Variants in LYRM4 observed in about 807,000 individuals in gnomAD.
LYRM4 encodes LYR motif containing 4.
A neutral mutation model predicts 11.7 loss-of-function variants in LYRM4; 9 were observed. The observed-to-expected ratio is 0.77, with a 90% CI of 0.46 to 1.34. The LOEUF is 1.34. LYRM4 is among the 40% of genes most tolerant of loss of function. The probability of loss-of-function intolerance (pLI) is 0.00; values close to 1 mark genes in which losing one functional copy is unlikely to be tolerated. For synonymous variants in LYRM4, 42 were observed against 40.4 expected (o/e 1.04, Z -0.15); for missense variants, 133 against 112.5 (o/e 1.18, Z -0.82).
chr6:5,148,684 T>C (rs6922265), intron 2 of LYRM4, among the ~76,000 whole-genome samples: 12,516 of 151,712 alleles, frequency 0.082, 609 homozygotes, highest in South Asian at 0.23. Context: ...TCTCTCTCTC[T>C]GCTTATAGTG....
chr6:5,211,152 T>C (rs142470621), intron 2 of LYRM4, among the ~76,000 whole-genome samples: 116 of 152,288 alleles, frequency 7.6e-4, no homozygotes, highest in African/African-American at 2.4e-3. Context: ...ACCTCAAACA[T>C]ACCTACTTTT....
At chr6:5,260,601 C>CCGGCCCCGGGG in intron 1 of LYRM4, 47 bp downstream of exon 1, 4 of 1,202,674 alleles carry the variant, frequency 3.3e-6, no homozygotes, top group Non-Finnish European at 4.7e-6. Context: ...CCCCCGGTCC[C>CCGGCCCCGGGG]CGGCCCCTGG....
intron 1 of LYRM4, among the ~76,000 whole-genome samples, chr6:5,248,202 C>A (rs1764278056): frequency 6.6e-6 from 1 of 152,250 alleles, no homozygotes; most frequent in South Asian, 2.1e-4. Flanking sequence ...TCTAATCCAA[C>A]ATATTCAACC....
At chr6:5,094,702 G>A in the LYRM4 span, among the ~76,000 whole-genome samples, 1 of 152,052 alleles carries the variant, frequency 6.6e-6, no homozygotes, top group African/African-American at 2.4e-5. Flanking sequence ...TCAATTCTGA[G>A]GATTTTCTTG....
the LYRM4 span, among the ~76,000 whole-genome samples, chr6:5,089,869 C>A: frequency 6.6e-6 from 1 of 152,170 alleles, no homozygotes; most frequent in Non-Finnish European, 1.5e-5. Flanking sequence ...GTGCCAACTT[C>A]TCATTGTAGA....
Position 5,109,046 on chromosome 6 carries a change from G to T in LYRM4, c.*377C>A. Reference sequence around the variant, plus strand: ...GTAGGAAATGAAAATGCATTAATTGGGAGGGGTTTATCTGGGGTCAAAGGC... The same window carrying T: ...GTAGGAAATGAAAATGCATTAATTGTGAGGGGTTTATCTGGGGTCAAAGGC... On this transcript the variant is annotated 3_prime_UTR_variant, in exon 3 of 3. Coordinates refer to ENST00000330636, the MANE Select transcript of LYRM4 (RefSeq NM_020408.6). The T allele has an allele frequency of 2.0e-6, 2 of 1,016,416 alleles. No individual in the cohort carries two copies. Among genetic ancestry groups the T allele is most frequent in the Non-Finnish European group, 2.4e-6 (2 of 848,748 alleles). 63.0% of individuals were successfully genotyped at this position (1,016,416 alleles called of 1,614,324 possible). A position where few individuals can be genotyped will look rare whatever the true frequency, so the allele number is the denominator to read the frequency against.
intron 2 of LYRM4, among the ~76,000 whole-genome samples, chr6:5,199,260 T>C (rs1191942788): frequency 2.0e-5 from 3 of 152,220 alleles, no homozygotes; most frequent in Non-Finnish European, 1.5e-5. Context: ...ACAACATGGA[T>C]GAACCTTGCA....
At chr6:5,109,969 G>T (rs1166744327) in intron 2 of LYRM4, among the ~76,000 whole-genome samples, 1 of 152,216 alleles carries the variant, frequency 6.6e-6, no homozygotes, top group Non-Finnish European at 1.5e-5. Flanking sequence ...CATCCCGGGT[G>T]GGGTCGAGGG....
At chr6:5,147,542 G>A (rs1757794343) in intron 2 of LYRM4, among the ~76,000 whole-genome samples, 1 of 152,098 alleles carries the variant, frequency 6.6e-6, no homozygotes, top group South Asian at 2.1e-4. Context: ...AGAATATACT[G>A]GCCCTAGGTA....
the LYRM4 span, among the ~76,000 whole-genome samples, chr6:5,077,664 AC>A: frequency 6.6e-6 from 1 of 152,190 alleles, no homozygotes; most frequent in African/African-American, 2.4e-5. Flanking sequence ...TGACACTAAA[AC>A]TTGAAGAATT....
At chr6:5,085,226 G>A in the LYRM4 span, 7 of 440,754 alleles carry the variant, frequency 1.6e-5, no homozygotes, top group East Asian at 3.8e-5. Flanking sequence ...CCCCCGTCGC[G>A]GGCAGGTTCA....
chr6:5,104,400 G>C (rs1034730619), downstream of LYRM4: 4 of 152,102 alleles, frequency 2.6e-5, no homozygotes, highest in Admixed American at 6.6e-5. Flanking sequence ...TCAGGCTCCA[G>C]AGTAGCTAGG....
At chr6:5,031,824 C>A in the LYRM4 span, 2 of 152,148 alleles carry the variant, frequency 1.3e-5, no homozygotes, top group African/African-American at 2.4e-5. Flanking sequence ...TTATTTACAT[C>A]ATATACAATT....
chr6:5,218,424 T>G, intron 1 of LYRM4: 2 of 979,890 alleles, frequency 2.0e-6, no homozygotes, highest in Non-Finnish European at 2.4e-6. Flanking sequence ...AAGGACAAAT[T>G]GTTTCAGATA....
At chr6:5,176,204 A>G (rs1329311244) in intron 2 of LYRM4, among the ~76,000 whole-genome samples, 1 of 151,838 alleles carries the variant, frequency 6.6e-6, no homozygotes, top group Non-Finnish European at 1.5e-5. Flanking sequence ...GGCTGGGACT[A>G]CAAGCATGTG....
intron 1 of LYRM4, among the ~76,000 whole-genome samples, chr6:5,256,218 G>A (rs975314698): frequency 2.0e-5 from 3 of 152,008 alleles, no homozygotes; most frequent in African/African-American, 4.8e-5. Context: ...GGCCAGGCGC[G>A]GTGGCTCATG....
chr6:5,136,330 T>A, intron 2 of LYRM4: 1 of 985,470 alleles, frequency 1.0e-6, no homozygotes, highest in Non-Finnish European at 1.2e-6. Context: ...AAATGATAAC[T>A]TGTCCCCTTT....
intron 1 of LYRM4, among the ~76,000 whole-genome samples, chr6:5,250,626 C>T (rs947170544): frequency 6.6e-6 from 1 of 152,130 alleles, no homozygotes; most frequent in Non-Finnish European, 1.5e-5. Context: ...CCTCTAGTTG[C>T]CTGTGGAGCA....
chr6:5,186,271 T>A (rs1266796759), intron 2 of LYRM4, among the ~76,000 whole-genome samples: 1 of 152,070 alleles, frequency 6.6e-6, no homozygotes. Flanking sequence ...AGGGGAGGTT[T>A]AGGAGAGCAG....
Sources: allele counts gnomAD v4.1 joint callset (sites outside exome capture counted in the v4.1 genomes callset), GRCh38; gene constraint gnomAD v4.1.1; transcripts MANE v1.5; gene names NCBI Gene and HGNC (gene_info 2026-07-23, HGNC 2026-07-21).